TMTC2: variants seen among roughly 807,000 people sequenced by gnomAD.
The protein encoded by TMTC2 is protein O-mannosyl-transferase TMTC2.
TMTC2 carries 43 observed loss-of-function variants against 82.4 expected under a neutral mutation model. The ratio of observed to expected loss-of-function variants is 0.52; its 90% CI spans 0.41 to 0.67. The LOEUF (loss-of-function observed/expected upper bound fraction) is 0.67, where lower values mean the gene tolerates loss of function less well. Among genes scored for constraint, TMTC2 ranks in the 30% least tolerant of loss-of-function variants. The pLI, the probability that TMTC2 is intolerant of heterozygous loss-of-function variation, is 0.00. For synonymous variants in TMTC2, 408 were observed against 381.9 expected (o/e 1.07, Z -0.80); for missense variants, 919 against 1,012.4 (o/e 0.91, Z 1.25).
intron 1 of TMTC2, among the ~76,000 whole-genome samples, chr12:82,716,835 T>G (rs1435222081): frequency 6.6e-6 from 1 of 152,202 alleles, no homozygotes; most frequent in Non-Finnish European, 1.5e-5. Context: ...AGCCAAGACT[T>G]AAGGTTAGTG....
chr12:82,862,056 G>A (rs945903748), intron 2 of TMTC2, among the ~76,000 whole-genome samples: 39 of 152,252 alleles, frequency 2.6e-4, no homozygotes, highest in Middle Eastern at 3.4e-3. Flanking sequence ...AGACATGTAT[G>A]TCAGAAAATA....
rs143417805 is a variant in TMTC2 at position 82,867,221 on chromosome 12, T to A, written c.654+9641T>A. ...GCATGAATTCCGAATTTAATACATG[T>A]TTCTTCAGTAATTATGGTCTTGATT... On this transcript the variant is annotated intron_variant, in intron 2 of 11. Transcript: ENST00000321196. 4.1e-3 allele frequency among the ~76,000 whole-genome samples: 621 copies of A among 152,310 alleles called. 2 individuals are homozygous for A. The highest frequency in any genetic ancestry group is 0.017 in the Middle Eastern group (5 of 294).
At chr12:82,705,151 G>A (rs572595466) in intron 1 of TMTC2, among the ~76,000 whole-genome samples, 8 of 152,262 alleles carry the variant, frequency 5.3e-5, no homozygotes, top group Admixed American at 2.0e-4. Context: ...GTATGTAAAG[G>A]CATAAGAATG....
intron 7 of TMTC2, among the ~76,000 whole-genome samples, chr12:82,977,276 C>T (rs996971106): frequency 2.6e-5 from 4 of 151,638 alleles, no homozygotes; most frequent in African/African-American, 9.7e-5. Context: ...GATTCTAAAA[C>T]AGTGAAATAT....
At chr12:83,005,730 G>A (rs538587151) in intron 8 of TMTC2, among the ~76,000 whole-genome samples, 1 of 152,308 alleles carries the variant, frequency 6.6e-6, no homozygotes, top group African/African-American at 2.4e-5. Context: ...GCCCCAGGGT[G>A]GGGTTGCTCC....
At chr12:82,942,746 A>G (rs2137264782) in intron 4 of TMTC2, among the ~76,000 whole-genome samples, 1 of 152,328 alleles carries the variant, frequency 6.6e-6, no homozygotes, top group Non-Finnish European at 1.5e-5. Context: ...GAATTACTAC[A>G]TGATGACCTG....
intron 11 of TMTC2, among the ~76,000 whole-genome samples, chr12:83,071,458 G>T (rs566344924): frequency 6.6e-6 from 1 of 152,118 alleles, no homozygotes; most frequent in South Asian, 2.1e-4. Flanking sequence ...TGCCTGGCCT[G>T]GTCTGTAGTT....
At chr12:82,980,688 TAAAG>T (rs573803338) in intron 7 of TMTC2, among the ~76,000 whole-genome samples, 269 of 151,970 alleles carry the variant, frequency 1.8e-3, no homozygotes, top group African/African-American at 5.8e-3. Context: ...AGCTTTTTAA[TAAAG>T]AAAGTTCTAA....
intron 2 of TMTC2, among the ~76,000 whole-genome samples, chr12:82,881,494 C>T (rs1019863024): frequency 6.6e-6 from 1 of 152,180 alleles, no homozygotes; most frequent in Non-Finnish European, 1.5e-5. Flanking sequence ...TGGTCACCAC[C>T]TACAGGCTCC....
intron 11 of TMTC2, among the ~76,000 whole-genome samples, chr12:83,120,662 G>A (rs1376621595): frequency 1.3e-5 from 2 of 152,148 alleles, no homozygotes; most frequent in Non-Finnish European, 2.9e-5. Flanking sequence ...TATTTCCCAG[G>A]TGTTCTTTGT....
chr12:83,017,977 T>C (rs1463107622), intron 8 of TMTC2, among the ~76,000 whole-genome samples: 1 of 149,770 alleles, frequency 6.7e-6, no homozygotes, highest in East Asian at 1.9e-4. Context: ...ATTAAACCTC[T>C]ATGTTCTTAA....
chr12:82,901,390 C>T (rs1449444220), intron 3 of TMTC2, among the ~76,000 whole-genome samples: 4 of 149,156 alleles, frequency 2.7e-5, no homozygotes, highest in Admixed American at 1.4e-4. Flanking sequence ...CCACGACCTC[C>T]GACTTCTGGG....
intron 9 of TMTC2, among the ~76,000 whole-genome samples, chr12:83,037,415 A>G (rs943887441): frequency 1.3e-5 from 2 of 152,176 alleles, no homozygotes; most frequent in Non-Finnish European, 2.9e-5. Flanking sequence ...ACCAAATAAT[A>G]TTGCCTTAAT....
At chr12:82,816,967 TG>T (rs1868773779) in intron 1 of TMTC2, among the ~76,000 whole-genome samples, 1 of 150,058 alleles carries the variant, frequency 6.7e-6, no homozygotes, top group African/African-American at 2.4e-5. Context: ...TTTCTTTCTT[TG>T]TTTTTTTTTT....
chr12:82,875,231 T>C (rs879650866), intron 2 of TMTC2, among the ~76,000 whole-genome samples: 4 of 152,242 alleles, frequency 2.6e-5, no homozygotes, highest in South Asian at 2.1e-4. Context: ...TGTAGTAATA[T>C]GAATCATTCC....
chr12:82,934,450 A>G (rs1386002537), intron 4 of TMTC2, among the ~76,000 whole-genome samples: 2 of 150,998 alleles, frequency 1.3e-5, no homozygotes, highest in East Asian at 2.0e-4. Context: ...TCATAGTTCA[A>G]CTCCCACTTA....
intron 1 of TMTC2, among the ~76,000 whole-genome samples, chr12:82,803,191 C>G (rs901819444): frequency 2.0e-4 from 30 of 152,100 alleles, no homozygotes; most frequent in African/African-American, 7.2e-4. Flanking sequence ...GAATGCCTCA[C>G]AAGGCAGTTG....
intron 1 of TMTC2, among the ~76,000 whole-genome samples, chr12:82,750,634 A>G (rs1875936814): frequency 6.6e-6 from 1 of 152,154 alleles, no homozygotes; most frequent in Non-Finnish European, 1.5e-5. Flanking sequence ...AGCTATCGTC[A>G]GTCCTGTGAG....
chr12:82,889,248 G>A (rs1389288100), intron 2 of TMTC2, among the ~76,000 whole-genome samples: 1 of 149,634 alleles, frequency 6.7e-6, no homozygotes, highest in African/African-American at 2.5e-5. Flanking sequence ...TTGCACTCCA[G>A]CCTGGGAGAC....
Sources: gnomAD v4.1 joint callset for allele counts (sites outside exome capture counted in the v4.1 genomes callset) on GRCh38, gnomAD v4.1.1 for gene constraint, MANE v1.5 for transcripts, NCBI Gene and HGNC (gene_info 2026-07-23, HGNC 2026-07-21) for gene names.